The following KIR2DL1 variants were observed in gnomAD, a reference collection of about 807,000 sequenced individuals.
KIR2DL1 encodes the protein killer cell immunoglobulin like receptor, two Ig domains and long cytoplasmic tail 1, also known as killer cell immunoglobulin-like receptor 2DL1.
In KIR2DL1, 38 loss-of-function variants were observed where a neutral mutation model predicts 33.9. The ratio of observed to expected loss-of-function variants is 1.12; its 90% CI spans 0.86 to 1.47. KIR2DL1 has a LOEUF of 1.47. KIR2DL1 is among the 40% of genes most tolerant of loss of function. KIR2DL1 has a pLI of 0.00. For missense variants in KIR2DL1, 531 were observed against 433.9 expected (o/e 1.22, Z -1.99); for synonymous variants, 179 against 165.9 (o/e 1.08, Z -0.61).
At chr19:54,771,471 A>T (rs1404748600) in intron 2 of KIR2DL1, among the ~76,000 whole-genome samples, 1 of 147,190 alleles carries the variant, frequency 6.8e-6, no homozygotes, top group East Asian at 1.9e-4. Context: ...TGTTTGCGGG[A>T]TGGGTCCTTC....
At position 54,771,941 on chromosome 19, in the gene KIR2DL1, C is replaced by T. The variant is rs886438469; in HGVS notation, c.70+1057C>T. On this transcript the variant is annotated intron_variant, in intron 2 of 7. Coordinates refer to ENST00000336077, the MANE Select transcript of KIR2DL1 (RefSeq NM_014218.3). ...TTCTCCTTGTCCCACCTCCTGAATC[C>T]CAGAGCTCCTGGTGGGCGTGTCCTT... 1.6e-4 allele frequency among the ~76,000 whole-genome samples: 24 copies of T among 147,810 alleles called. 1 individual carries two copies. The highest frequency in any genetic ancestry group is 5.9e-4 in the African/African-American group (24 of 40,432).
rs754180366 is a variant in KIR2DL1, at chr19:54,775,379, C to T, written c.585C>T (p.Thr195=). Residue 195 remains threonine, a synonymous_variant, in exon 4 of 8, where the codon ACC becomes ACT. Transcript: ENST00000336077. ...TGGGCCCTGCCACCCACGGAGGGAC[C>T]TACAGATGCTTCGGCTCTTTCCATG... ...FPLGPATHGG[T]YRCFGSFHDS... 4 of 1,583,986 alleles carry T rather than the reference C, an allele frequency of 2.5e-6. No individual in the cohort carries two copies. The East Asian group carries it at 8.9e-5, about 35-fold the overall frequency.
intron 4 of KIR2DL1, among the ~76,000 whole-genome samples, chr19:54,777,125 T>A (rs1163617306): frequency 6.6e-6 from 1 of 151,630 alleles, no homozygotes; most frequent in Non-Finnish European, 1.5e-5. Context: ...AGTTTTGCTC[T>A]TCTCACCCAG....
chr19:54,780,338 A>G (rs1432127841), intron 5 of KIR2DL1, among the ~76,000 whole-genome samples: 1 of 113,424 alleles, frequency 8.8e-6, no homozygotes, highest in Non-Finnish European at 1.9e-5. Context: ...AGGATTTTGC[A>G]CACACAGCTG....
rs2076535007 is a variant in KIR2DL1, at chr19:54,777,947, T to A, written c.665-665T>A. Among the ~76,000 whole-genome samples, 4 of 148,414 alleles carry A rather than the reference T, an allele frequency of 2.7e-5. 1 individual carries two copies. Among genetic ancestry groups the A allele is most frequent in the Admixed American group, 2.1e-4 (3 of 14,630 alleles). On this transcript the variant is annotated intron_variant, in intron 4 of 7. Transcript: ENST00000336077. ...AAGACTGTCCTTTCCTGATTGTGAG[T>A]TCTTGGCATCTTTGTCAAAGTCCAT...
intron 1 of KIR2DL1, 92 bp from the exon 2 acceptor site, chr19:54,770,757 G>A (rs1477421913): frequency 6.6e-7 from 1 of 1,505,878 alleles, no homozygotes; most frequent in East Asian, 2.3e-5. Context: ...CCCAGGAAGG[G>A]CCTGGCTACC....
chr19:54,781,490 G>A (rs562842264), intron 5 of KIR2DL1, among the ~76,000 whole-genome samples: 1 of 150,412 alleles, frequency 6.6e-6, no homozygotes, highest in African/African-American at 2.4e-5. Context: ...CACCTGTGGA[G>A]ATTCAGATAG....
Position 54,784,073 on chromosome 19 carries a change from C to T in KIR2DL1, c.*260C>T, listed in dbSNP as rs1306708903. The T allele has an allele frequency of 1.7e-6, 1 of 602,962 alleles. No individual in the cohort carries two copies. The highest frequency in any genetic ancestry group is 2.0e-5 in the South Asian group (1 of 50,410). The allele number at this position is 602,962 out of a possible 1,614,324, so 37.4% of individuals were successfully genotyped here. The stretch of plus-strand genomic sequence containing the variant: ...TCCATTTCACTTGACCCCTGCCCAC[C>T]TCTCCAACCTAACTGGCTTACTTCC... On this transcript the variant is annotated 3_prime_UTR_variant, in exon 8 of 8. Transcript: ENST00000336077.
rs1427269031 is a variant in KIR2DL1 at position 54,782,959 on chromosome 19, A to C, written c.753A>C (p.Ser251=). The stretch of plus-strand genomic sequence containing the variant: ...ACCTGCACATTCTGATTGGGACCTC[A>C]GTGGTCATCATCCTCTTCATCCTCC... ...PRHLHILIGT[S]VVIILFILLF... is the part of the protein sequence containing the mutation. Residue 251 remains serine (S), a synonymous_variant, in exon 6 of 8, where the codon TCA becomes TCC. Coordinates refer to ENST00000336077, the MANE Select transcript of KIR2DL1 (RefSeq NM_014218.3). 3 of 1,613,682 alleles carry C rather than the reference A, an allele frequency of 1.9e-6. No homozygotes were observed. Among genetic ancestry groups the C allele is most frequent in the Non-Finnish European group, 2.5e-6 (3 of 1,179,862 alleles).
chr19:54,776,479 C>T (rs112123973), intron 4 of KIR2DL1, among the ~76,000 whole-genome samples: 14,112 of 106,098 alleles, frequency 0.13, 42 homozygotes, highest in South Asian at 0.24. Flanking sequence ...TCTATCCATT[C>T]ACCCACTGAT....
intron 2 of KIR2DL1, among the ~76,000 whole-genome samples, chr19:54,772,801 A>T (rs769746166): frequency 6.9e-6 from 1 of 144,656 alleles, no homozygotes; most frequent in South Asian, 2.2e-4. Flanking sequence ...ACCAGGCTCC[A>T]TCCACATAGG....
rs2077198518 is a variant in KIR2DL1, at chr19:54,782,977, C to T, written c.771C>T (p.Phe257=). ...GGACCTCAGTGGTCATCATCCTCTT[C>T]ATCCTCCTCTTCTTTCTCCTTCATC... ...LIGTSVVIIL[F]ILLFFLLHRW... The change falls in exon 6 of 8, where the codon TTC becomes TTT. Residue 257 remains phenylalanine, a synonymous_variant. Coordinates refer to ENST00000336077, the MANE Select transcript of KIR2DL1 (RefSeq NM_014218.3). 1 of 1,613,092 alleles carries T rather than the reference C, an allele frequency of 6.2e-7. No individual in the cohort carries two copies. Among genetic ancestry groups the T allele is most frequent in the East Asian group, 2.2e-5 (1 of 44,816 alleles).
In KIR2DL1 at chr19:54,783,489, C is replaced by G. The variant is rs1322041526; in HGVS notation, c.821C>G (p.Ala274Gly). ...TGTTGACTTCCATCTTCTACAGATG[C>G]TGCGGTAATGGACCAAGAGTCTGCA... ...LHRWCSNKKN[A>G]AVMDQESAGN... is the part of the protein sequence containing the mutation. The change falls in exon 7 of 8, where the codon GCT becomes GGT. Residue 274 changes from alanine to glycine, a missense_variant. Transcript: ENST00000336077. 1.2e-6 allele frequency: 2 copies of G among 1,613,422 alleles called. No individual in the cohort carries two copies. Among genetic ancestry groups the G allele is most frequent in the Non-Finnish European group, 8.5e-7 (1 of 1,179,628 alleles).
rs765401207 is a variant in KIR2DL1, at chr19:54,775,256, C to A, written c.462C>A (p.Ser154=). The A allele has an allele frequency of 1.2e-6, 2 of 1,603,104 alleles. No homozygotes were observed. The highest frequency in any genetic ancestry group is 1.7e-6 in the Non-Finnish European group (2 of 1,172,208). The change falls in exon 4 of 8, where the codon TCC becomes TCA. Residue 154 remains serine (S), a synonymous_variant. Transcript: ENST00000336077. ...NVTLSCSSRS[S]YDMYHLSREG... The stretch of plus-strand genomic sequence containing the variant: ...CCTTGTCCTGCAGCTCCCGGAGCTC[C>A]TATGACATGTACCATCTATCCAGGG...
intron 3 of KIR2DL1, among the ~76,000 whole-genome samples, 174 bp from the exon 4 acceptor site, chr19:54,774,991 G>A (rs664764): frequency 0.17 from 25,023 of 143,370 alleles, 165 homozygotes; most frequent in South Asian, 0.28. Flanking sequence ...CAGAGACCTA[G>A]AGAGACAGAG....
intron 1 of KIR2DL1, among the ~76,000 whole-genome samples, chr19:54,770,348 G>A (rs1446295019): frequency 6.9e-6 from 1 of 144,174 alleles, no homozygotes; most frequent in African/African-American, 2.5e-5. Flanking sequence ...TATGGGCCAG[G>A]AGTGGAGATA....
At chr19:54,782,882 G>T in intron 5 of KIR2DL1, 40 bp from the exon 6 acceptor site, 2 of 1,590,590 alleles carry the variant, frequency 1.3e-6, no homozygotes, top group African/African-American at 1.3e-5. Context: ...AAGAGGAACT[G>T]CTAAGATTAG....
At chr19:54,772,884 C>T (rs1435608459) in intron 2 of KIR2DL1, among the ~76,000 whole-genome samples, 2 of 145,226 alleles carry the variant, frequency 1.4e-5, no homozygotes, top group East Asian at 2.0e-4. Flanking sequence ...GCAAGAGTGG[C>T]TCCCAGTCCC....
chr19:54,772,468 G>C (rs622889), intron 2 of KIR2DL1, among the ~76,000 whole-genome samples: 43,147 of 139,636 alleles, frequency 0.31, 5,801 homozygotes, highest in South Asian at 0.43. Context: ...CTCTCTCCTG[G>C]TGCCATGCTT....
Sources: allele counts gnomAD v4.1 joint callset (sites outside exome capture counted in the v4.1 genomes callset), GRCh38; gene constraint gnomAD v4.1.1; transcripts MANE v1.5; gene names NCBI Gene and HGNC (gene_info 2026-07-23, HGNC 2026-07-21).